Variants in ADGRE3 observed in about 807,000 individuals in gnomAD.
ADGRE3 encodes the protein adhesion G protein-coupled receptor E3.
Under a neutral mutation model 80.1 loss-of-function variants are expected in ADGRE3, and 88 were observed. The ratio of observed to expected loss-of-function variants is 1.10; its 90% confidence interval spans 0.93 to 1.31. The LOEUF is 1.31. Among genes scored for constraint, ADGRE3 ranks in the 40% most tolerant of loss-of-function variants. The pLI, the probability that ADGRE3 is intolerant of heterozygous loss-of-function variation, is 0.00. For missense variants in ADGRE3, 715 were observed against 776.5 expected, an observed-to-expected ratio of 0.92 and a Z score of 0.94; for synonymous variants, 281 against 294.8, an observed-to-expected ratio of 0.95 and a Z score of 0.48.
intron 2 of ADGRE3, among the ~76,000 whole-genome samples, chr19:14,665,936 G>GTATATATATACATACATA (rs1972085090): frequency 2.4e-5 from 1 of 42,096 alleles, no homozygotes; most frequent in South Asian, 7.9e-4. Flanking sequence ...ACACATATGT[G>GTATATATATACATACATA]TATATATATA....
intron 2 of ADGRE3, among the ~76,000 whole-genome samples, chr19:14,666,876 A>G (rs1371528806): frequency 6.6e-6 from 1 of 152,168 alleles, no homozygotes; most frequent in Non-Finnish European, 1.5e-5. Context: ...AATCTTTTCC[A>G]GGACTTAATA....
downstream of ADGRE3, among the ~76,000 whole-genome samples, chr19:14,614,599 CAG>C (rs1436817348): frequency 2.7e-5 from 4 of 148,742 alleles, no homozygotes; most frequent in Admixed American, 2.0e-4. Flanking sequence ...TTTTTTTGGG[CAG>C]AGTCTCACTC....
intron 15 of ADGRE3, 67 bp from the exon 16 acceptor site, chr19:14,619,538 AC>A: frequency 8.3e-7 from 1 of 1,202,894 alleles, no homozygotes. Context: ...AAAATCAACA[AC>A]ATGGAAAAAC....
chr19:14,618,846 C>CA (rs771965258), downstream of ADGRE3, among the ~76,000 whole-genome samples: 6,779 of 61,664 alleles, frequency 0.11, 535 homozygotes, highest in African/African-American at 0.12. Flanking sequence ...AACTCCATCT[C>CA]AAAAAAAAAA....
chr19:14,640,383 G>A (rs1281019565), intron 10 of ADGRE3, among the ~76,000 whole-genome samples: 1 of 151,910 alleles, frequency 6.6e-6, no homozygotes, highest in Non-Finnish European at 1.5e-5. Context: ...TCTGCCTCCC[G>A]GGTTCAAGCA....
At chr19:14,663,350 G>A (rs944864504) in intron 3 of ADGRE3, 68 bp downstream of exon 3, 1 of 1,052,146 alleles carries the variant, frequency 9.5e-7, no homozygotes, top group Non-Finnish European at 1.2e-6. Flanking sequence ...GGGCAACAGA[G>A]CAAGACCCTG....
intron 14 of ADGRE3, chr19:14,628,539 C>A: frequency 5.7e-6 from 1 of 175,128 alleles, no homozygotes. Context: ...AGTTCTGCCT[C>A]CTGCCTCAGC....
chr19:14,660,936 CCT>C (rs1971930063), intron 4 of ADGRE3, among the ~76,000 whole-genome samples: 1 of 115,590 alleles, frequency 8.7e-6, no homozygotes, highest in Non-Finnish European at 1.8e-5. Flanking sequence ...GGTCATATTT[CCT>C]TTTTTTTTTT....
chr19:14,644,271 G>T lies in ADGRE3; in HGVS notation c.887C>A (p.Thr296Asn), dbSNP rs1022286439. Residue 296 changes from threonine to asparagine, a missense_variant, in exon 9 of 16, where the codon ACC becomes AAC. Transcript: ENST00000253673. ...ACAGAAGACCTTTTTGGTACTGGGG[G>T]TCATCTGAAAATAGAAAATAGAAAG... ...VTLTFQHVKM[T>N]PSTKKVFCVY... 5.3e-6 allele frequency: 8 copies of T among 1,512,206 alleles called. No homozygotes were observed. Among genetic ancestry groups the T allele is most frequent in the East Asian group, 4.9e-5 (2 of 40,434 alleles). 93.7% of individuals were successfully genotyped at this position (1,512,206 alleles called of 1,614,324 possible).
At chr19:14,670,784 A>T (rs1374885847) in intron 1 of ADGRE3, among the ~76,000 whole-genome samples, 1 of 152,222 alleles carries the variant, frequency 6.6e-6, no homozygotes, top group African/African-American at 2.4e-5. Context: ...AACTTGCTCC[A>T]TTCACTGGGG....
At chr19:14,604,423 A>G in the ADGRE3 span, among the ~76,000 whole-genome samples, 1 of 152,160 alleles carries the variant, frequency 6.6e-6, no homozygotes, top group Admixed American at 6.6e-5. Flanking sequence ...CCACAATGCT[A>G]TAACGACAGA....
At chr19:14,616,984 G>A (rs2075078403), downstream of ADGRE3, among the ~76,000 whole-genome samples, 1 of 151,278 alleles carries the variant, frequency 6.6e-6, no homozygotes, top group African/African-American at 2.4e-5. Context: ...TAGTAGAGAG[G>A]GTGTTTCTCC....
intron 11 of ADGRE3, among the ~76,000 whole-genome samples, chr19:14,636,063 T>TCCTTCCTTCCC (rs1307785617): frequency 1.1e-5 from 1 of 91,758 alleles, no homozygotes; most frequent in African/African-American, 4.6e-5. Flanking sequence ...CTTCCTTCCT[T>TCCTTCCTTCCC]TCCTTTCCTT....
chr19:14,654,114 C>T (rs368897395), intron 6 of ADGRE3, among the ~76,000 whole-genome samples: 10 of 151,736 alleles, frequency 6.6e-5, no homozygotes, highest in South Asian at 2.1e-4. Flanking sequence ...TACCACGCCC[C>T]GCTAATTTCT....
intron 7 of ADGRE3, among the ~76,000 whole-genome samples, chr19:14,648,517 C>A (rs1971482021): frequency 6.6e-6 from 1 of 152,196 alleles, no homozygotes; most frequent in South Asian, 2.1e-4. Context: ...ACCTCATTGG[C>A]TGCCTTTACT....
Position 14,630,063 on chromosome 19 carries a change from C to T in ADGRE3, c.1788G>A (p.Leu596=), listed in dbSNP as rs1432630813. 6.2e-7 allele frequency: 1 copy of T among 1,608,930 alleles called. No individual in the cohort carries two copies. The highest frequency in any genetic ancestry group is 8.5e-7 in the Non-Finnish European group (1 of 1,176,990). The change falls in exon 14 of 16, where the codon TTG becomes TTA. Residue 596 remains leucine, a synonymous_variant. Transcript: ENST00000253673. ...INSLQGFFIF[L]VYCLLSQQVQ... is the part of the protein sequence containing the mutation. ...CCTGCTGGCTGAGGAGGCAGTAGAC[C>T]AAGAAGATGAAGAAGCCTTGGAGGC...
chr19:14,673,791 A>G (rs1972317046), intron 1 of ADGRE3, among the ~76,000 whole-genome samples: 2 of 152,234 alleles, frequency 1.3e-5, no homozygotes, highest in African/African-American at 2.4e-5. Context: ...CATAGATTTC[A>G]TAGTGGTGAA....
chr19:14,600,891 CTTTTTTTTTTTTTTTTT>C, the ADGRE3 span, among the ~76,000 whole-genome samples: 17 of 63,184 alleles, frequency 2.7e-4, no homozygotes, highest in Non-Finnish European at 4.5e-4. Flanking sequence ...GCTCGGCCTT[CTTTTTTTTTTTTTTTTT>C]TTTTTTTTTT....
At chr19:14,615,202 CTT>C (rs34167082), downstream of ADGRE3, among the ~76,000 whole-genome samples, 63 of 65,630 alleles carry the variant, frequency 9.6e-4, no homozygotes, top group African/African-American at 3.1e-3. Flanking sequence ...CAGCTGCCTT[CTT>C]TTTTTTTTTT....
Sources: gnomAD v4.1 joint callset for allele counts (sites outside exome capture counted in the v4.1 genomes callset) on GRCh38, gnomAD v4.1.1 for gene constraint, MANE v1.5 for transcripts, NCBI Gene and HGNC (gene_info 2026-07-23, HGNC 2026-07-21) for gene names.